Variants in ERH observed in about 807,000 individuals in gnomAD.
The protein encoded by ERH is ERH mRNA splicing and mitosis factor, also known as enhancer of rudimentary homolog.
In ERH, 1 loss-of-function variant was observed where a neutral mutation model predicts 16.8. The ratio of observed to expected loss-of-function variants is 0.06; its 90% CI spans 0.02 to 0.28. The LOEUF (loss-of-function observed/expected upper bound fraction) is 0.28, where lower values mean the gene tolerates loss of function less well. Among genes scored for constraint, ERH ranks in the 10% least tolerant of loss-of-function variants. The probability of loss-of-function intolerance (pLI) is 1.00; values close to 1 mark genes in which losing one functional copy is unlikely to be tolerated. For missense variants in ERH, 42 were observed against 127.5 expected, an observed-to-expected ratio of 0.33 and a Z score of 3.23; for synonymous variants, 43 against 43.6, an observed-to-expected ratio of 0.99 and a Z score of 0.05.
Position 69,397,988 on chromosome 14 carries a change from C to T in ERH, c.3+243G>A, listed in dbSNP as rs150105809. ...AATCGGGAGAGAGTTCATCCTCAGG[C>T]CCAAGGCACGCCGGACCCGAGCGAG... On this transcript the variant is annotated intron_variant, in intron 1 of 3. Transcript: ENST00000557016. The T allele has an allele frequency of 4.0e-4, 241 of 604,094 alleles. No homozygotes were observed. In the African/African-American group the frequency reaches 4.3e-3, roughly 11 times the overall value. 37.4% of individuals were successfully genotyped at this position (604,094 alleles called of 1,614,324 possible). A position where few individuals can be genotyped will look rare whatever the true frequency, so the allele number is the denominator to read the frequency against.
At position 69,389,276 on chromosome 14, in the gene ERH, G is replaced by A. The variant is rs373043048; in HGVS notation, c.92-2193C>T. Among the ~76,000 whole-genome samples the A allele has an allele frequency of 3.7e-4, 56 of 152,038 alleles. 3 individuals carry two copies. The highest frequency in any genetic ancestry group is 2.5e-3 in the East Asian group (13 of 5,168). ...TCTTGACCTCAGGTGATCCACCCGC[G>A]TCGGCCTCCCAAAGTGCTGGGATTA... On this transcript the variant is annotated intron_variant, in intron 2 of 3. Coordinates refer to ENST00000557016, the MANE Select transcript of ERH (RefSeq NM_004450.3).
chr14:69,394,352 T>C (rs1882286378), intron 2 of ERH, among the ~76,000 whole-genome samples: 3 of 151,654 alleles, frequency 2.0e-5, no homozygotes, highest in Admixed American at 1.3e-4. Flanking sequence ...ATGTTTAAAA[T>C]GTTCAACCGG....
At chr14:69,392,676 T>C (rs768538673) in intron 2 of ERH, among the ~76,000 whole-genome samples, 4 of 152,244 alleles carry the variant, frequency 2.6e-5, no homozygotes, top group Non-Finnish European at 4.4e-5. Flanking sequence ...GTATGAACTA[T>C]GAACTTTACT....
chr14:69,392,049 G>C (rs1274476176), intron 2 of ERH, among the ~76,000 whole-genome samples: 1 of 152,002 alleles, frequency 6.6e-6, no homozygotes, highest in Non-Finnish European at 1.5e-5. Flanking sequence ...AAGAAGGGGA[G>C]GAAAGAAGGC....
At chr14:69,389,436 C>T (rs1026332160) in intron 2 of ERH, among the ~76,000 whole-genome samples, 4 of 152,038 alleles carry the variant, frequency 2.6e-5, no homozygotes, top group African/African-American at 9.7e-5. Flanking sequence ...AAGTTCTAGC[C>T]AGGGCAATTA....
At chr14:69,380,681 T>TTGAC in intron 3 of ERH, 41 bp from the exon 4 acceptor site, 1 of 1,170,040 alleles carries the variant, frequency 8.5e-7, no homozygotes, top group Non-Finnish European at 1.3e-6. Flanking sequence ...CAGTGGTCAA[T>TTGAC]CACTGCCAGG....
intron 3 of ERH, among the ~76,000 whole-genome samples, chr14:69,385,979 A>C (rs1032206536): frequency 6.6e-6 from 1 of 151,900 alleles, no homozygotes. Flanking sequence ...CATGCTAGGC[A>C]CTCCTACTTC....
At chr14:69,383,675 G>A (rs1385908879) in intron 3 of ERH, among the ~76,000 whole-genome samples, 1 of 152,070 alleles carries the variant, frequency 6.6e-6, no homozygotes, top group Non-Finnish European at 1.5e-5. Flanking sequence ...TTAACACTCT[G>A]AAACTACTAA....
chr14:69,395,683 C>T (rs1272387575), intron 1 of ERH, among the ~76,000 whole-genome samples: 1 of 152,170 alleles, frequency 6.6e-6, no homozygotes, highest in Non-Finnish European at 1.5e-5. Flanking sequence ...CACATTTTAT[C>T]CAGGGGTTAG....
At chr14:69,380,696 T>A in intron 3 of ERH, 56 bp from the exon 4 acceptor site, 1 of 972,594 alleles carries the variant, frequency 1.0e-6, no homozygotes. Flanking sequence ...GCCAGGTGTT[T>A]AAATCCCCAA....
intron 3 of ERH, among the ~76,000 whole-genome samples, chr14:69,385,387 T>C (rs946131197): frequency 6.6e-6 from 1 of 152,156 alleles, no homozygotes; most frequent in Non-Finnish European, 1.5e-5. Flanking sequence ...TTTCAAATGA[T>C]GTCCTTGCTC....
At chr14:69,386,844 T>C in intron 3 of ERH, 119 bp downstream of exon 3, 3 of 849,860 alleles carry the variant, frequency 3.5e-6, no homozygotes, top group Non-Finnish European at 5.4e-6. Flanking sequence ...TACTATACAC[T>C]ATGCAAATGC....
intron 1 of ERH, among the ~76,000 whole-genome samples, chr14:69,395,301 A>G (rs1323265858): frequency 6.7e-6 from 1 of 149,988 alleles, no homozygotes; most frequent in Non-Finnish European, 1.5e-5. Flanking sequence ...TCTTAAAAGA[A>G]AAAAAAAAGT....
intron 2 of ERH, among the ~76,000 whole-genome samples, chr14:69,391,077 A>T (rs556912687): frequency 6.6e-6 from 1 of 152,354 alleles, no homozygotes; most frequent in East Asian, 1.9e-4. Flanking sequence ...GCAGTTTCTG[A>T]CAAAGCTAAA....
At chr14:69,381,523 A>G (rs190323168) in intron 3 of ERH, among the ~76,000 whole-genome samples, 6 of 152,294 alleles carry the variant, frequency 3.9e-5, no homozygotes, top group Admixed American at 3.9e-4. Flanking sequence ...AACGAAAAGG[A>G]GTACACAGAC....
chr14:69,395,431 T>G (rs569225916), intron 1 of ERH, among the ~76,000 whole-genome samples: 1 of 152,330 alleles, frequency 6.6e-6, no homozygotes, highest in Non-Finnish European at 1.5e-5. Flanking sequence ...ACTTACTGCC[T>G]ACAAGTAATC....
intron 1 of ERH, among the ~76,000 whole-genome samples, chr14:69,397,226 C>T (rs895920869): frequency 6.6e-6 from 1 of 152,166 alleles, no homozygotes; most frequent in African/African-American, 2.4e-5. Context: ...AATGGCAATG[C>T]TTTCCTGCTC....
chr14:69,390,112 T>C (rs1210264790), intron 2 of ERH, among the ~76,000 whole-genome samples: 3 of 152,134 alleles, frequency 2.0e-5, no homozygotes, highest in African/African-American at 7.2e-5. Flanking sequence ...CCCATGTTCA[T>C]GAGTTGGAAG....
chr14:69,386,389 T>A (rs1389365848), intron 3 of ERH, among the ~76,000 whole-genome samples: 1 of 152,248 alleles, frequency 6.6e-6, no homozygotes, highest in Admixed American at 6.5e-5. Context: ...TTAAATGAGC[T>A]GTATTTACAC....
Sources: allele counts gnomAD v4.1 joint callset (sites outside exome capture counted in the v4.1 genomes callset), GRCh38; gene constraint gnomAD v4.1.1; transcripts MANE v1.5; gene names NCBI Gene and HGNC (gene_info 2026-07-23, HGNC 2026-07-21).